Variants in WWOX observed in about 807,000 individuals in gnomAD.
WWOX encodes the protein WW domain-containing oxidoreductase.
Under a neutral mutation model 46.2 loss-of-function variants are expected in WWOX, and 69 were observed. The observed-to-expected ratio is 1.49, with a 90% CI of 1.23 to 1.82. WWOX has a LOEUF of 1.82. WWOX is among the 40% of genes most tolerant of loss of function. WWOX has a pLI of 0.00. For missense variants in WWOX, 919 were observed against 542.6 expected (o/e 1.69, Z -6.89); for synonymous variants, 359 against 202.6 (o/e 1.77, Z -6.56).
chr16:78,987,794 A>G (rs2046810121), intron 8 of WWOX, among the ~76,000 whole-genome samples: 1 of 152,144 alleles, frequency 6.6e-6, no homozygotes, highest in Admixed American at 6.5e-5. Context: ...TCAACTTTTA[A>G]AAAATGTGCT....
intron 3 of WWOX, among the ~76,000 whole-genome samples, chr16:78,112,877 C>CT (rs376063639): frequency 0.012 from 1,736 of 150,588 alleles, 34 homozygotes; most frequent in African/African-American, 0.039. Flanking sequence ...TTTTTAAAGA[C>CT]TTTTTTTTTG....
intron 8 of WWOX, among the ~76,000 whole-genome samples, chr16:79,089,138 G>A (rs930536056): frequency 5.3e-5 from 8 of 152,152 alleles, no homozygotes; most frequent in Non-Finnish European, 8.8e-5. Context: ...GGCCGCATAT[G>A]GTGGGCACAG....
intron 5 of WWOX, among the ~76,000 whole-genome samples, chr16:78,361,056 C>A (rs1342081269): frequency 6.6e-6 from 1 of 152,110 alleles, no homozygotes; most frequent in Admixed American, 6.5e-5. Flanking sequence ...CTCCTGGGCT[C>A]AAGAAATCTG....
intron 8 of WWOX, among the ~76,000 whole-genome samples, chr16:79,168,617 G>GCCTCCCTCCAC (rs2050640570): frequency 6.6e-6 from 1 of 152,170 alleles, no homozygotes; most frequent in Non-Finnish European, 1.5e-5. Context: ...GCAAGAGAGT[G>GCCTCCCTCCAC]ATAATTATGC....
intron 8 of WWOX, among the ~76,000 whole-genome samples, chr16:79,127,302 C>A (rs1010545643): frequency 6.6e-6 from 1 of 152,064 alleles, no homozygotes; most frequent in Non-Finnish European, 1.5e-5. Context: ...CTGGTGCATC[C>A]TTCTAGACAT....
At chr16:78,461,339 C>T (rs117819332) in intron 8 of WWOX, among the ~76,000 whole-genome samples, 104 of 151,858 alleles carry the variant, frequency 6.8e-4, no homozygotes, top group Non-Finnish European at 1.3e-3. Context: ...AGGAACTCAT[C>T]GGTAAGGCCA....
chr16:78,189,950 C>A (rs561566258), intron 5 of WWOX, among the ~76,000 whole-genome samples: 1 of 152,160 alleles, frequency 6.6e-6, no homozygotes, highest in Non-Finnish European at 1.5e-5. Context: ...CCACCACGCC[C>A]GGCTCAAATC....
intron 5 of WWOX, among the ~76,000 whole-genome samples, chr16:78,254,786 C>T (rs1322821847): frequency 6.6e-6 from 1 of 152,136 alleles, no homozygotes; most frequent in Admixed American, 6.5e-5. Context: ...GCCTCATCTT[C>T]CCAAAGTGCT....
intron 8 of WWOX, among the ~76,000 whole-genome samples, chr16:78,683,371 C>G (rs1394005823): frequency 6.6e-6 from 1 of 151,058 alleles, no homozygotes; most frequent in African/African-American, 2.4e-5. Context: ...AACCCCATCT[C>G]TACTAAAAAC....
At chr16:78,229,729 C>A (rs886989443) in intron 5 of WWOX, among the ~76,000 whole-genome samples, 14 of 151,988 alleles carry the variant, frequency 9.2e-5, no homozygotes, top group African/African-American at 3.4e-4. Context: ...AACATGCAGA[C>A]CATGTGGAAT....
At chr16:78,711,303 T>G (rs2048439881) in intron 8 of WWOX, among the ~76,000 whole-genome samples, 2 of 152,228 alleles carry the variant, frequency 1.3e-5, no homozygotes. Flanking sequence ...TTGAAGACAT[T>G]TACTATTTCT....
chr16:78,447,293 C>T lies in WWOX; in HGVS notation c.1056+14541C>T, dbSNP rs186014884. On this transcript the variant is annotated intron_variant, in intron 8 of 8. Transcript: ENST00000566780. ...CAGTAACAATGGCAATATTTTAATA[C>T]TGTAATAAATTTTTTCTTATGCATT... is the stretch of plus-strand genomic sequence containing the variant. 2.4e-3 allele frequency among the ~76,000 whole-genome samples: 359 copies of T among 152,034 alleles called. 1 individual carries two copies. Among genetic ancestry groups the T allele is most frequent in the African/African-American group, 8.1e-3 (333 of 41,350 alleles).
chr16:78,144,800 C>T (rs2034142389), intron 4 of WWOX, among the ~76,000 whole-genome samples: 2 of 151,554 alleles, frequency 1.3e-5, no homozygotes, highest in South Asian at 4.2e-4. Flanking sequence ...GGATTACAGG[C>T]GTGAGCCACC....
intron 1 of WWOX, among the ~76,000 whole-genome samples, chr16:78,107,879 C>T (rs377100261): frequency 2.6e-5 from 4 of 151,992 alleles, no homozygotes; most frequent in East Asian, 1.9e-4. Flanking sequence ...GTCCCTACAT[C>T]GTGGAATAAA....
At chr16:79,039,363 G>T (rs555845962) in intron 8 of WWOX, among the ~76,000 whole-genome samples, 2 of 152,220 alleles carry the variant, frequency 1.3e-5, no homozygotes, top group African/African-American at 4.8e-5. Flanking sequence ...TGAGGACTAA[G>T]TGGGACCAGG....
At chr16:78,707,816 G>C (rs2048354924) in intron 8 of WWOX, among the ~76,000 whole-genome samples, 1 of 151,372 alleles carries the variant, frequency 6.6e-6, no homozygotes, top group Admixed American at 6.6e-5. Flanking sequence ...GCCTGTGCTA[G>C]AGAGCGAGAC....
chr16:78,692,015 G>GACA (rs1233236840), intron 8 of WWOX, among the ~76,000 whole-genome samples: 6 of 152,176 alleles, frequency 3.9e-5, no homozygotes, highest in Non-Finnish European at 7.3e-5. Flanking sequence ...TCTTGCCACT[G>GACA]CCATGTAAGA....
chr16:78,861,730 A>G (rs2043889718), intron 8 of WWOX, among the ~76,000 whole-genome samples: 1 of 152,122 alleles, frequency 6.6e-6, no homozygotes, highest in Non-Finnish European at 1.5e-5. Flanking sequence ...CCAGGTAAAA[A>G]CCTTTAACTC....
intron 8 of WWOX, among the ~76,000 whole-genome samples, chr16:78,612,129 C>T (rs188029911): frequency 8.5e-5 from 13 of 152,204 alleles, no homozygotes; most frequent in Admixed American, 8.5e-4. Context: ...ATTACCTACT[C>T]CTTTGGGCCA....
Sources: allele counts gnomAD v4.1 joint callset (sites outside exome capture counted in the v4.1 genomes callset), GRCh38; gene constraint gnomAD v4.1.1; transcripts MANE v1.5; gene names NCBI Gene and HGNC (gene_info 2026-07-23, HGNC 2026-07-21).